ERC2: variants seen among roughly 807,000 people sequenced by gnomAD.
ERC2 encodes the protein ERC protein 2.
In ERC2, 42 loss-of-function variants were observed where a neutral mutation model predicts 114.8. That is an observed-to-expected ratio of 0.37 (90% CI 0.29 to 0.47). The LOEUF is 0.47. ERC2 is among the 20% of genes least tolerant of loss of function. The pLI is 0.99. For missense variants in ERC2, 939 were observed against 1,150.7 expected, an observed-to-expected ratio of 0.82 and a Z score of 2.66; for synonymous variants, 454 against 425.5, an observed-to-expected ratio of 1.07 and a Z score of -0.82.
At chr3:56,150,464 G>T (rs1052616957) in intron 4 of ERC2, among the ~76,000 whole-genome samples, 4 of 152,196 alleles carry the variant, frequency 2.6e-5, no homozygotes, top group African/African-American at 9.6e-5. Context: ...AGAACTGAGT[G>T]CTCTAAGTTC....
intron 17 of ERC2, among the ~76,000 whole-genome samples, chr3:55,583,366 C>T (rs953804219): frequency 2.6e-5 from 4 of 151,600 alleles, no homozygotes; most frequent in Non-Finnish European, 5.9e-5. Context: ...TGCCTGCCTG[C>T]CTGCCTTCTT....
intron 17 of ERC2, among the ~76,000 whole-genome samples, chr3:55,675,983 C>G (rs1324488432): frequency 2.4e-5 from 3 of 127,324 alleles, no homozygotes; most frequent in Non-Finnish European, 4.7e-5. Context: ...TGCAATGGCA[C>G]GGTCTCTGCT....
chr3:55,685,696 T>C (rs1171202504), intron 16 of ERC2, among the ~76,000 whole-genome samples: 1 of 152,158 alleles, frequency 6.6e-6, no homozygotes, highest in African/African-American at 2.4e-5. Context: ...TTTCATCATA[T>C]GATTCTTGAC....
At chr3:55,564,433 T>C (rs899385822) in intron 17 of ERC2, among the ~76,000 whole-genome samples, 1 of 152,210 alleles carries the variant, frequency 6.6e-6, no homozygotes, top group African/African-American at 2.4e-5. Flanking sequence ...GTTGTGAAAC[T>C]GAGGTGCGCT....
intron 13 of ERC2, among the ~76,000 whole-genome samples, chr3:55,925,242 A>G (rs1441869247): frequency 6.6e-6 from 1 of 152,166 alleles, no homozygotes; most frequent in Non-Finnish European, 1.5e-5. Flanking sequence ...GTCCCAATAA[A>G]TATCTCAGAG....
intron 14 of ERC2, among the ~76,000 whole-genome samples, chr3:55,763,512 C>T (rs2067581599): frequency 1.3e-5 from 2 of 152,142 alleles, no homozygotes; most frequent in Admixed American, 6.5e-5. Context: ...GACTCTGACT[C>T]CTGCCAACTG....
chr3:55,599,948 A>G (rs2058324463), intron 17 of ERC2, among the ~76,000 whole-genome samples: 1 of 152,224 alleles, frequency 6.6e-6, no homozygotes, highest in South Asian at 2.1e-4. Flanking sequence ...TATCAGTGAA[A>G]AAGCTCATGT....
chr3:55,574,231 T>C (rs2056863842), intron 17 of ERC2, among the ~76,000 whole-genome samples: 1 of 152,186 alleles, frequency 6.6e-6, no homozygotes, highest in South Asian at 2.1e-4. Flanking sequence ...TAGCCTGGGA[T>C]TTAAACCCAG....
At chr3:55,552,121 A>G (rs2055249008) in intron 17 of ERC2, among the ~76,000 whole-genome samples, 1 of 152,210 alleles carries the variant, frequency 6.6e-6, no homozygotes, top group South Asian at 2.1e-4. Context: ...GGCCTCTCAG[A>G]GTGCAGAGAG....
intron 7 of ERC2, among the ~76,000 whole-genome samples, chr3:56,026,171 T>C (rs917284812): frequency 6.3e-5 from 9 of 142,950 alleles, no homozygotes; most frequent in Non-Finnish European, 9.1e-5. Context: ...TGCCTCAGCC[T>C]CCCAAGTAGC....
In ERC2 at chr3:56,030,701, T is replaced by C. The variant is rs536154491; in HGVS notation, c.1642-11670A>G. 3.3e-5 allele frequency among the ~76,000 whole-genome samples: 5 copies of C among 152,346 alleles called. No homozygotes were observed. In the South Asian group the frequency reaches 1.0e-3, roughly 32 times the overall value. ...AAGATGGCAGAATAGGAGTTTCCAG[T>C]GCTAATCCTCTGACAGAAACATCAA... On this transcript the variant is annotated intron_variant, in intron 7 of 17. Coordinates refer to ENST00000288221, the MANE Select transcript of ERC2 (RefSeq NM_015576.3).
At chr3:55,761,631 C>G (rs1173901429) in intron 14 of ERC2, among the ~76,000 whole-genome samples, 6 of 151,988 alleles carry the variant, frequency 3.9e-5, no homozygotes, top group Non-Finnish European at 8.8e-5. Context: ...GTGTCCCCAC[C>G]CAAATCTCAT....
chr3:56,177,450 T>G (rs2083040262), intron 3 of ERC2, among the ~76,000 whole-genome samples: 1 of 152,210 alleles, frequency 6.6e-6, no homozygotes, highest in Admixed American at 6.5e-5. Context: ...ACTGTGATAG[T>G]TTTCACATGA....
intron 12 of ERC2, among the ~76,000 whole-genome samples, chr3:55,965,076 T>G (rs2068652958): frequency 6.6e-6 from 1 of 152,182 alleles, no homozygotes; most frequent in African/African-American, 2.4e-5. Flanking sequence ...ATACCCTATT[T>G]AAGGGAATGG....
At chr3:56,145,676 G>GT (rs569671455) in intron 5 of ERC2, among the ~76,000 whole-genome samples, 1 of 152,134 alleles carries the variant, frequency 6.6e-6, no homozygotes, top group African/African-American at 2.4e-5. Context: ...GGCTGACTAT[G>GT]TTTTGTATTC....
Position 55,799,006 on chromosome 3 carries a change from G to A in ERC2, c.2565-64088C>T, listed in dbSNP as rs577734718. 1.2e-4 allele frequency among the ~76,000 whole-genome samples: 18 copies of A among 152,138 alleles called. No individual in the cohort carries two copies. The South Asian group carries it at 1.7e-3, about 14-fold the overall frequency. On this transcript the variant is annotated intron_variant, in intron 14 of 17. Coordinates refer to ENST00000288221, the MANE Select transcript of ERC2 (RefSeq NM_015576.3). The stretch of plus-strand genomic sequence containing the variant: ...AATAATAAAGTACTAGACAAGAAGC[G>A]CATGTACGTAAGAGGGTGGTACACA...
intron 14 of ERC2, among the ~76,000 whole-genome samples, chr3:55,873,036 A>T (rs72879145): frequency 1.7e-3 from 257 of 152,304 alleles, no homozygotes; most frequent in African/African-American, 5.9e-3. Context: ...GAGGCCAGGA[A>T]TGCTACTAAA....
chr3:56,313,501 G>T (rs139922594), intron 2 of ERC2, among the ~76,000 whole-genome samples: 3 of 152,232 alleles, frequency 2.0e-5, no homozygotes, highest in Admixed American at 1.3e-4. Flanking sequence ...TCTTTGGGTT[G>T]CAAGCAACAG....
At chr3:55,819,011 T>C (rs1226747612) in intron 14 of ERC2, among the ~76,000 whole-genome samples, 1 of 152,202 alleles carries the variant, frequency 6.6e-6, no homozygotes, top group African/African-American at 2.4e-5. Context: ...TGCAAGCTAG[T>C]GTGGGTCACT....
Sources: gnomAD v4.1 joint callset for allele counts (sites outside exome capture counted in the v4.1 genomes callset) on GRCh38, gnomAD v4.1.1 for gene constraint, MANE v1.5 for transcripts, NCBI Gene and HGNC (gene_info 2026-07-23, HGNC 2026-07-21) for gene names.